PTPN14: variants seen among roughly 807,000 people sequenced by gnomAD.
PTPN14 encodes the protein tyrosine-protein phosphatase non-receptor type 14.
In PTPN14, 53 loss-of-function variants were observed where a neutral mutation model predicts 126.8. The observed-to-expected ratio is 0.42, with a 90% CI of 0.34 to 0.53. PTPN14 has a LOEUF of 0.53. Ranked by LOEUF, PTPN14 falls within the 20% of genes least tolerant of loss-of-function variation. The pLI, the probability that PTPN14 is intolerant of heterozygous loss-of-function variation, is 0.08. For missense variants in PTPN14, 1,257 were observed against 1,552.9 expected (o/e 0.81, Z 3.20); for synonymous variants, 630 against 599.3 (o/e 1.05, Z -0.75).
chr1:214,370,012 G>A (rs527654955), intron 16 of PTPN14, among the ~76,000 whole-genome samples: 5 of 152,352 alleles, frequency 3.3e-5, no homozygotes, highest in South Asian at 2.1e-4. Flanking sequence ...CGGGCGTGGC[G>A]GCTCACGCCT....
intron 3 of PTPN14, 81 bp from the exon 4 acceptor site, chr1:214,414,807 G>A (rs1325802766): frequency 8.0e-6 from 9 of 1,120,866 alleles, no homozygotes; most frequent in Non-Finnish European, 1.2e-5. Context: ...GCCTCTAGAT[G>A]TAAAACCTTG....
intron 16 of PTPN14, chr1:214,372,372 T>C: frequency 3.2e-6 from 1 of 307,738 alleles, no homozygotes; most frequent in Admixed American, 4.8e-5. Context: ...GAAAGATCAC[T>C]GTTTTCGTTT....
intron 1 of PTPN14, among the ~76,000 whole-genome samples, chr1:214,524,544 C>T (rs1433137769): frequency 6.6e-6 from 1 of 151,838 alleles, no homozygotes; most frequent in East Asian, 1.9e-4. Flanking sequence ...CCCAGCTCCT[C>T]GGAAGGCTGA....
chr1:214,395,008 G>A, intron 8 of PTPN14, 22 bp from the exon 9 acceptor site: 1 of 1,579,954 alleles, frequency 6.3e-7, no homozygotes, highest in Non-Finnish European at 8.7e-7. Flanking sequence ...AAATGTCACT[G>A]TGTTTACTCA....
chr1:214,467,873 C>T (rs1043261342), intron 1 of PTPN14, among the ~76,000 whole-genome samples: 4 of 151,936 alleles, frequency 2.6e-5, no homozygotes, highest in Admixed American at 6.6e-5. Context: ...TTGCAAGATA[C>T]GGTATCAACA....
chr1:214,362,571 A>AG (rs1484698252), intron 18 of PTPN14, among the ~76,000 whole-genome samples: 2 of 152,344 alleles, frequency 1.3e-5, no homozygotes, highest in African/African-American at 4.8e-5. Context: ...GTGTTCAGTG[A>AG]GCCCCCATGT....
chr1:214,466,171 A>G (rs2102654765), intron 1 of PTPN14, among the ~76,000 whole-genome samples: 1 of 151,774 alleles, frequency 6.6e-6, no homozygotes, highest in South Asian at 2.1e-4. Context: ...CATATTGGCC[A>G]GGCTGGTCTT....
chr1:214,501,268 T>C (rs2102430876), intron 1 of PTPN14, among the ~76,000 whole-genome samples: 1 of 151,314 alleles, frequency 6.6e-6, no homozygotes, highest in East Asian at 1.9e-4. Flanking sequence ...GGAGACGGAG[T>C]TTCGCTCTTT....
At chr1:214,358,095 T>C in intron 18 of PTPN14, 45 bp from the exon 19 acceptor site, 1 of 1,602,236 alleles carries the variant, frequency 6.2e-7, no homozygotes. Flanking sequence ...ACAGGAGGCT[T>C]CCCTTTGAGC....
At chr1:214,484,243 A>G (rs1462811844) in intron 1 of PTPN14, among the ~76,000 whole-genome samples, 1 of 152,148 alleles carries the variant, frequency 6.6e-6, no homozygotes, top group East Asian at 1.9e-4. Context: ...GTCTCTATAA[A>G]AAATTAAAAA....
At chr1:214,391,682 T>G (rs180886300) in intron 10 of PTPN14, among the ~76,000 whole-genome samples, 1 of 143,222 alleles carries the variant, frequency 7.0e-6, no homozygotes, top group East Asian at 2.1e-4. Flanking sequence ...TATAATACTT[T>G]CCCTCATTCT....
intron 3 of PTPN14, among the ~76,000 whole-genome samples, chr1:214,448,155 T>A (rs183339294): frequency 3.3e-5 from 5 of 152,300 alleles, no homozygotes; most frequent in African/African-American, 1.2e-4. Context: ...AATCTAAAAT[T>A]GTAAAGAGTT....
chr1:214,431,031 A>C (rs1354914338), intron 3 of PTPN14, among the ~76,000 whole-genome samples: 2 of 152,210 alleles, frequency 1.3e-5, no homozygotes, highest in Non-Finnish European at 1.5e-5. Flanking sequence ...GGCAAGAAGG[A>C]AAGAGGAAAA....
intron 14 of PTPN14, among the ~76,000 whole-genome samples, chr1:214,377,469 CCT>C (rs1228154195): frequency 6.6e-6 from 1 of 152,004 alleles, no homozygotes; most frequent in Non-Finnish European, 1.5e-5. Context: ...ACAACAAACC[CCT>C]GTGACATGTG....
At chr1:214,376,816 T>C (rs981058944) in intron 14 of PTPN14, among the ~76,000 whole-genome samples, 1 of 152,232 alleles carries the variant, frequency 6.6e-6, no homozygotes, top group Non-Finnish European at 1.5e-5. Context: ...TCTATAGCTC[T>C]GAGGATTAAA....
chr1:214,398,997 G>T (rs1165356299), intron 7 of PTPN14, among the ~76,000 whole-genome samples: 1 of 147,854 alleles, frequency 6.8e-6, no homozygotes, highest in East Asian at 2.1e-4. Context: ...TCGATCTCTT[G>T]ACCTCGTGAT....
chr1:214,550,100 C>T (rs1044862511), intron 1 of PTPN14, among the ~76,000 whole-genome samples: 13 of 152,238 alleles, frequency 8.5e-5, no homozygotes, highest in African/African-American at 3.1e-4. Context: ...CAGACTCTCA[C>T]AGAACCCCTC....
rs371949252 is a variant in PTPN14, at chr1:214,481,511, CA to C, written c.-154-16555del. Among the ~76,000 whole-genome samples, 100 of 67,466 alleles carry C rather than the reference CA, an allele frequency of 1.5e-3. 1 individual carries two copies. The highest frequency in any genetic ancestry group is 0.011 in the Admixed American group (50 of 4,502). 44.3% of individuals were successfully genotyped at this position (67,466 alleles called of 152,430 possible). ...GGGAAACAAGCGCGAAACTCCCGCT[CA>C]AAAAAAAAAAAAAAAAAAAGAATAG... On this transcript the variant is annotated intron_variant, in intron 1 of 18. Transcript: ENST00000366956.
chr1:214,424,581 G>A (rs1010165370), intron 3 of PTPN14, among the ~76,000 whole-genome samples: 4 of 151,246 alleles, frequency 2.6e-5, no homozygotes, highest in Non-Finnish European at 4.4e-5. Context: ...AGGCTGGAGT[G>A]CAGTGATGCA....
Sources: allele counts gnomAD v4.1 joint callset (sites outside exome capture counted in the v4.1 genomes callset), GRCh38; gene constraint gnomAD v4.1.1; transcripts MANE v1.5; gene names NCBI Gene and HGNC (gene_info 2026-07-23, HGNC 2026-07-21).